The following RGS6 variants were observed in gnomAD, a reference collection of about 807,000 sequenced individuals.
The protein encoded by RGS6 is regulator of G-protein signaling 6.
Under a neutral mutation model 78.5 loss-of-function variants are expected in RGS6, and 30 were observed. The ratio of observed to expected loss-of-function variants is 0.38; its 90% CI spans 0.29 to 0.52. The LOEUF is 0.52. Ranked by LOEUF, RGS6 falls within the 20% of genes least tolerant of loss-of-function variation. RGS6 has a pLI of 0.85. For synonymous variants in RGS6, 206 were observed against 206.0 expected (o/e 1.00, Z 0.00); for missense variants, 495 against 609.7 (o/e 0.81, Z 1.98).
chr14:72,288,367 C>T (rs892725296), intron 2 of RGS6, among the ~76,000 whole-genome samples: 1 of 152,222 alleles, frequency 6.6e-6, no homozygotes, highest in African/African-American at 2.4e-5. Context: ...CATAATACTA[C>T]TGAATGGAAG....
chr14:72,314,447 CTTCTACTTA>C (rs2069511290), intron 2 of RGS6, among the ~76,000 whole-genome samples: 1 of 152,216 alleles, frequency 6.6e-6, no homozygotes, highest in Non-Finnish European at 1.5e-5. Context: ...GGCTTACAGA[CTTCTACTTA>C]TGTCTCATTG....
chr14:71,986,395 T>G (rs1361887408), intron 2 of RGS6, among the ~76,000 whole-genome samples: 3 of 152,182 alleles, frequency 2.0e-5, no homozygotes, highest in Admixed American at 6.5e-5. Context: ...CATAACAAAT[T>G]GCCACAAATG....
chr14:72,147,162 C>A (rs565903529), intron 2 of RGS6, among the ~76,000 whole-genome samples: 1 of 152,226 alleles, frequency 6.6e-6, no homozygotes, highest in African/African-American at 2.4e-5. Flanking sequence ...CCAGAATCAC[C>A]CTTAATGCCC....
the RGS6 span, among the ~76,000 whole-genome samples, chr14:71,890,366 G>C: frequency 6.9e-5 from 10 of 144,122 alleles, no homozygotes; most frequent in African/African-American, 2.6e-4. Context: ...GACAGAGAGA[G>C]AGAGAGAGAG....
chr14:72,233,963 C>G (rs2050326599), intron 2 of RGS6, among the ~76,000 whole-genome samples: 1 of 152,046 alleles, frequency 6.6e-6, no homozygotes, highest in Non-Finnish European at 1.5e-5. Flanking sequence ...ATTCTAATCA[C>G]ATCATTTGGG....
intron 2 of RGS6, among the ~76,000 whole-genome samples, chr14:72,279,552 G>A (rs183510481): frequency 6.6e-5 from 10 of 152,284 alleles, no homozygotes; most frequent in East Asian, 3.9e-4. Context: ...GTCCAGCCAC[G>A]TTGACATGCT....
intron 2 of RGS6, among the ~76,000 whole-genome samples, chr14:72,078,347 G>A (rs534503079): frequency 1.6e-4 from 24 of 152,188 alleles, no homozygotes; most frequent in African/African-American, 5.8e-4. Flanking sequence ...GCAGAACCAT[G>A]AGTCAATTAA....
At chr14:72,480,816 A>G (rs978527266) in intron 12 of RGS6, among the ~76,000 whole-genome samples, 2 of 152,142 alleles carry the variant, frequency 1.3e-5, no homozygotes, top group Non-Finnish European at 2.9e-5. Flanking sequence ...GCTCCAGGTG[A>G]TAAGTGGCAA....
chr14:72,495,433 TTGATTTGTGCA>T (rs2096632248), intron 13 of RGS6, among the ~76,000 whole-genome samples, 171 bp downstream of exon 13: 1 of 152,150 alleles, frequency 6.6e-6, no homozygotes, highest in African/African-American at 2.4e-5. Context: ...CCTTATAGCT[TTGATTTGTGCA>T]TGGATCCTTT....
intron 2 of RGS6, among the ~76,000 whole-genome samples, chr14:72,283,497 T>C (rs528356331): frequency 6.6e-6 from 1 of 152,190 alleles, no homozygotes; most frequent in South Asian, 2.1e-4. Context: ...ATAAATATCA[T>C]GAGATCTGAT....
intron 1 of RGS6, among the ~76,000 whole-genome samples, chr14:71,949,799 T>G (rs1242858819): frequency 6.7e-6 from 1 of 149,294 alleles, no homozygotes; most frequent in Non-Finnish European, 1.5e-5. Flanking sequence ...TTTTTTTGCC[T>G]TTTAGCCTTT....
intron 2 of RGS6, among the ~76,000 whole-genome samples, chr14:72,298,942 G>T (rs2065468642): frequency 6.6e-6 from 1 of 152,172 alleles, no homozygotes; most frequent in Non-Finnish European, 1.5e-5. Context: ...GTATTTATGA[G>T]TGAAATTTCT....
chr14:72,354,348 G>T (rs547802076), intron 3 of RGS6, among the ~76,000 whole-genome samples: 1 of 151,734 alleles, frequency 6.6e-6, no homozygotes, highest in African/African-American at 2.4e-5. Context: ...ATAGGGGGCC[G>T]GGTGCCGTGA....
chr14:72,563,102 G>A lies in RGS6; in HGVS notation c.*635G>A. ...GCCTCAAGGTCTTTCCACCCTCTTT[G>A]AGATCAGCGTTCGGAGAGGTCCCCG... On this transcript the variant is annotated 3_prime_UTR_variant, in exon 18 of 18. Coordinates refer to ENST00000553525, the MANE Select transcript of RGS6 (RefSeq NM_001204424.2). 1 of 356,842 alleles carries A rather than the reference G, an allele frequency of 2.8e-6. No homozygotes were observed. 22.1% of individuals were successfully genotyped at this position (356,842 alleles called of 1,614,324 possible).
At chr14:72,024,625 A>T (rs1596261855) in intron 2 of RGS6, among the ~76,000 whole-genome samples, 1 of 152,164 alleles carries the variant, frequency 6.6e-6, no homozygotes, top group Non-Finnish European at 1.5e-5. Flanking sequence ...CTATGTTGAA[A>T]TAGGTTTCTG....
At chr14:72,195,398 A>G (rs994102957) in intron 2 of RGS6, among the ~76,000 whole-genome samples, 1 of 152,168 alleles carries the variant, frequency 6.6e-6, no homozygotes, top group Non-Finnish European at 1.5e-5. Flanking sequence ...ATGTATATAC[A>G]TTTCAAAGTA....
intron 3 of RGS6, among the ~76,000 whole-genome samples, chr14:72,449,404 T>C (rs551100883): frequency 6.6e-6 from 1 of 152,298 alleles, no homozygotes; most frequent in South Asian, 2.1e-4. Context: ...ATTGATAGAA[T>C]GCTTTGGGAA....
At chr14:72,130,772 A>C (rs935670866) in intron 2 of RGS6, among the ~76,000 whole-genome samples, 1 of 152,180 alleles carries the variant, frequency 6.6e-6, no homozygotes, top group African/African-American at 2.4e-5. Context: ...ATTACCCTAC[A>C]TGTTTATCCC....
At chr14:72,390,190 CG>C in intron 3 of RGS6, among the ~76,000 whole-genome samples, 1 of 151,414 alleles carries the variant, frequency 6.6e-6, no homozygotes, top group East Asian at 1.9e-4. Flanking sequence ...CTCCGCTTCC[CG>C]GGTTGAAGCG....
Sources: gnomAD v4.1 joint callset for allele counts (sites outside exome capture counted in the v4.1 genomes callset) on GRCh38, gnomAD v4.1.1 for gene constraint, MANE v1.5 for transcripts, NCBI Gene and HGNC (gene_info 2026-07-23, HGNC 2026-07-21) for gene names.